Variants in TMEM67 observed in about 807,000 individuals in gnomAD.
TMEM67 encodes the protein transmembrane protein 67, also known as meckelin.
TMEM67 carries 124 observed loss-of-function variants against 136.6 expected under a neutral mutation model. That is an observed-to-expected ratio of 0.91 (90% confidence interval 0.78 to 1.05). The LOEUF (loss-of-function observed/expected upper bound fraction) is 1.05. Ranked by LOEUF, TMEM67 falls within the 50% of genes least tolerant of loss-of-function variation. The pLI is 0.00. For missense variants in TMEM67, 1,107 were observed against 1,178.4 expected, an observed-to-expected ratio of 0.94 and a Z score of 0.89; for synonymous variants, 364 against 390.5, an observed-to-expected ratio of 0.93 and a Z score of 0.80.
intron 9 of TMEM67, among the ~76,000 whole-genome samples, 198 bp downstream of exon 9, chr8:93,781,180 G>C (rs1813808535): frequency 6.6e-6 from 1 of 152,228 alleles, no homozygotes; most frequent in African/African-American, 2.4e-5. Context: ...CTTCTGGATT[G>C]TGTGGTTATG....
intron 16 of TMEM67, among the ~76,000 whole-genome samples, chr8:93,794,545 G>A (rs1052226377): frequency 5.9e-5 from 9 of 152,236 alleles, no homozygotes; most frequent in Middle Eastern, 3.4e-3. Flanking sequence ...TCAGTAATAG[G>A]TATTTCCGTT....
At chr8:93,786,374 A>G (rs772604672) in intron 13 of TMEM67, 28 bp downstream of exon 13, 1 of 1,607,052 alleles carries the variant, frequency 6.2e-7, no homozygotes, top group Non-Finnish European at 8.5e-7. Flanking sequence ...GATATTATTT[A>G]TGGGAAAATA....
chr8:93,793,902 T>G (rs937562233), intron 16 of TMEM67, among the ~76,000 whole-genome samples: 4 of 152,234 alleles, frequency 2.6e-5, no homozygotes, highest in African/African-American at 9.6e-5. Context: ...TTTGTTGTTG[T>G]TTTTTTGAGA....
chr8:93,803,714 T>C (rs761223771), intron 22 of TMEM67, 30 bp downstream of exon 22: 2 of 1,237,004 alleles, frequency 1.6e-6, no homozygotes, highest in South Asian at 2.4e-5. Context: ...ATCTTGCAAC[T>C]GTTACTTTCC....
chr8:93,819,585 G>C (rs1809010854), downstream of TMEM67, among the ~76,000 whole-genome samples: 1 of 152,088 alleles, frequency 6.6e-6, no homozygotes, highest in Admixed American at 6.5e-5. Context: ...GCAGTACCGG[G>C]GTGTGATATA....
intron 26 of TMEM67, among the ~76,000 whole-genome samples, chr8:93,810,132 C>G (rs987750439): frequency 2.0e-5 from 3 of 150,576 alleles, no homozygotes; most frequent in African/African-American, 7.3e-5. Flanking sequence ...TCACGCCCAG[C>G]TAATTTTTTT....
At chr8:93,777,699 T>A (rs1367224722) in intron 7 of TMEM67, among the ~76,000 whole-genome samples, 1 of 152,242 alleles carries the variant, frequency 6.6e-6, no homozygotes, top group Non-Finnish European at 1.5e-5. Flanking sequence ...CTAATTTGAT[T>A]GCACTGTGGT....
At chr8:93,784,255 T>A (rs1813993589) in intron 11 of TMEM67, among the ~76,000 whole-genome samples, 1 of 152,254 alleles carries the variant, frequency 6.6e-6, no homozygotes, top group South Asian at 2.1e-4. Context: ...GCCAGAAAGA[T>A]CAACACTTAT....
In TMEM67 at chr8:93,755,910, T is replaced by C. The variant is rs777039747; in HGVS notation, c.312+44T>C. The C allele has an allele frequency of 8.8e-6, 9 of 1,028,218 alleles. No homozygotes were observed. In the Admixed American group the frequency reaches 1.6e-4, roughly 19 times the overall value. 63.7% of individuals were successfully genotyped at this position (1,028,218 alleles called of 1,614,324 possible). On this transcript the variant is annotated intron_variant, in intron 2 of 27. Transcript: ENST00000453321. Reference sequence around the variant, plus strand: ...AAAATAACTTACCTGTAAAAAGTAGTAAGTTAAATATCTTTATTTTTCAAA... The same window carrying C: ...AAAATAACTTACCTGTAAAAAGTAGCAAGTTAAATATCTTTATTTTTCAAA...
Position 93,803,702 on chromosome 8 carries a change from TC to T in TMEM67, c.2322+19del. Reference sequence around the variant, plus strand: ...TGAGTAATGTAAGTACTTTCTGACTTCATCTTGCAACTGTTACTTTCCCTTT... The same window carrying T: ...TGAGTAATGTAAGTACTTTCTGACTTATCTTGCAACTGTTACTTTCCCTTT... On this transcript the variant is annotated intron_variant, in intron 22 of 27. Transcript: ENST00000453321. The T allele has an allele frequency of 7.3e-7, 1 of 1,374,376 alleles. No individual in the cohort carries two copies. The highest frequency in any genetic ancestry group is 1.0e-6 in the Non-Finnish European group (1 of 962,482). The allele number at this position is 1,374,376 out of a possible 1,614,324, so 85.1% of individuals were successfully genotyped here.
rs775266788 is a variant in TMEM67 at position 93,799,653 on chromosome 8, ATCT to A, written c.2140_2142del (p.Ser715del). On this transcript the variant is annotated inframe_deletion, in exon 21 of 28. Transcript: ENST00000453321. ...TCAAGAACTTAGCATTAATGGACTC[ATCT>A]TCTAGTCTTTCTAGAAACCCACCTA... 5 of 1,613,780 alleles carry A rather than the reference ATCT, an allele frequency of 3.1e-6. No individual in the cohort carries two copies. In the African/African-American group the frequency reaches 5.3e-5, roughly 17 times the overall value.
chr8:93,805,628 A>C (rs1405117682), intron 23 of TMEM67, among the ~76,000 whole-genome samples: 1 of 152,108 alleles, frequency 6.6e-6, no homozygotes, highest in African/African-American at 2.4e-5. Flanking sequence ...CTCACCCTGA[A>C]CATTCATAAA....
Position 93,782,448 on chromosome 8 carries a change from C to T in TMEM67, c.1119C>T (p.Thr373=). ...ATGCTGCTTATTCATTTGGAACAAC[C>T]TACCAACAAAATGTAAGTTTGAACG... ...RLNAAYSFGT[T]YQQNCEIPIS... Residue 373 remains threonine, a synonymous_variant, in exon 11 of 28, where the codon ACC becomes ACT. Coordinates refer to ENST00000453321, the MANE Select transcript of TMEM67 (RefSeq NM_153704.6). 1 of 1,612,498 alleles carries T rather than the reference C, an allele frequency of 6.2e-7. No homozygotes were observed. The highest frequency in any genetic ancestry group is 8.5e-7 in the Non-Finnish European group (1 of 1,179,352).
Position 93,814,284 on chromosome 8 carries a change from C to T in TMEM67, c.2765-1021C>T, listed in dbSNP as rs542386442. 1.5e-4 allele frequency among the ~76,000 whole-genome samples: 23 copies of T among 151,412 alleles called. No homozygotes were observed. The South Asian group carries it at 3.5e-3, about 23-fold the overall frequency. ...CCTCCTGAGTAGCTGGGACTACAGG[C>T]GCCCGCCACCATGCGTGGCTAATTT... is the stretch of plus-strand genomic sequence containing the variant. On this transcript the variant is annotated intron_variant, in intron 26 of 27. Transcript: ENST00000453321.
chr8:93,812,064 G>A (rs1182987868), intron 26 of TMEM67, among the ~76,000 whole-genome samples: 15 of 151,082 alleles, frequency 9.9e-5, no homozygotes, highest in Non-Finnish European at 1.2e-4. Context: ...CAGGAGAATC[G>A]CTTGAACCCA....
intron 21 of TMEM67, among the ~76,000 whole-genome samples, chr8:93,800,482 T>C (rs867510760): frequency 4.6e-5 from 7 of 152,200 alleles, no homozygotes; most frequent in Non-Finnish European, 8.8e-5. Context: ...TTTGGTATAC[T>C]TGGGGGTTCT....
chr8:93,799,997 T>G (rs1463522325), intron 21 of TMEM67, among the ~76,000 whole-genome samples: 1 of 151,052 alleles, frequency 6.6e-6, no homozygotes, highest in Non-Finnish European at 1.5e-5. Flanking sequence ...AGCCTCTGCC[T>G]TCCGGGTTCA....
In TMEM67 at chr8:93,787,827, C is replaced by T; in HGVS notation, c.1413-17C>T. On this transcript the variant is annotated splice_polypyrimidine_tract_variant and intron_variant, in intron 13 of 27. Coordinates refer to ENST00000453321, the MANE Select transcript of TMEM67 (RefSeq NM_153704.6). ...CCGGATATACTGATTACTATAAATGCATTTTCTTTTAAATAGTGTCCACCT... is the reference window on the plus strand; with the variant it reads ...CCGGATATACTGATTACTATAAATGTATTTTCTTTTAAATAGTGTCCACCT... 2 of 1,567,888 alleles carry T rather than the reference C, an allele frequency of 1.3e-6. No homozygotes were observed. The highest frequency in any genetic ancestry group is 1.1e-5 in the South Asian group (1 of 90,176).
At chr8:93,777,987 T>G (rs999811408) in intron 7 of TMEM67, among the ~76,000 whole-genome samples, 1 of 152,188 alleles carries the variant, frequency 6.6e-6, no homozygotes, top group Non-Finnish European at 1.5e-5. Flanking sequence ...TGTGGGAGTC[T>G]AAGTCTCTTT....
Sources: gnomAD v4.1 joint callset for allele counts (sites outside exome capture counted in the v4.1 genomes callset) on GRCh38, gnomAD v4.1.1 for gene constraint, MANE v1.5 for transcripts, NCBI Gene and HGNC (gene_info 2026-07-23, HGNC 2026-07-21) for gene names.